The following VPS13D variants were observed in gnomAD, a reference collection of about 807,000 sequenced individuals.
The protein encoded by VPS13D is vacuolar protein sorting 13 homolog D, also known as intermembrane lipid transfer protein VPS13D.
VPS13D carries 187 observed loss-of-function variants against 461.9 expected under a neutral mutation model. That is an observed-to-expected ratio of 0.40 (90% CI 0.36 to 0.46). The LOEUF (loss-of-function observed/expected upper bound fraction) is 0.46, where lower values mean the gene tolerates loss of function less well. Ranked by LOEUF, VPS13D falls within the 20% of genes least tolerant of loss-of-function variation. The pLI, the probability that VPS13D is intolerant of heterozygous loss-of-function variation, is 0.60. For missense variants in VPS13D, 4,711 were observed against 5,364.9 expected, an observed-to-expected ratio of 0.88 and a Z score of 3.81; for synonymous variants, 1,951 against 1,986.3, an observed-to-expected ratio of 0.98 and a Z score of 0.47.
At chr1:12,267,180 T>C (rs1032895875) in intron 14 of VPS13D, among the ~76,000 whole-genome samples, 169 bp downstream of exon 14, 3 of 152,248 alleles carry the variant, frequency 2.0e-5, no homozygotes, top group African/African-American at 7.2e-5. Context: ...GTGACATTAA[T>C]GGCTATGCCT....
intron 30 of VPS13D, 51 bp from the exon 31 acceptor site, chr1:12,318,021 A>G (rs772515246): frequency 1.3e-6 from 2 of 1,551,490 alleles, no homozygotes; most frequent in Non-Finnish European, 1.7e-6. Context: ...GGTTATTGAA[A>G]TAACCATGTT....
chr1:12,424,307 A>T (rs1219098062), intron 65 of VPS13D, among the ~76,000 whole-genome samples: 2 of 152,188 alleles, frequency 1.3e-5, no homozygotes, highest in Admixed American at 6.5e-5. Flanking sequence ...AATTTTTGGC[A>T]TCAGAATTTT....
intron 67 of VPS13D, among the ~76,000 whole-genome samples, chr1:12,494,521 A>ATT (rs1188700983): frequency 6.6e-6 from 1 of 152,134 alleles, no homozygotes; most frequent in East Asian, 1.9e-4. Flanking sequence ...ATGAGATTAA[A>ATT]TTTTTAAGAG....
intron 32 of VPS13D, 101 bp downstream of exon 32, chr1:12,319,731 T>A: frequency 6.5e-7 from 1 of 1,542,854 alleles, no homozygotes; most frequent in Non-Finnish European, 8.8e-7. Flanking sequence ...GGGAAGGAAT[T>A]AATGAAATTG....
chr1:12,253,591 A>G, intron 6 of VPS13D, 131 bp from the exon 7 acceptor site: 1 of 670,360 alleles, frequency 1.5e-6, no homozygotes, highest in Non-Finnish European at 2.6e-6. Context: ...AGCATGTTTT[A>G]ATTGAGTTAT....
intron 30 of VPS13D, among the ~76,000 whole-genome samples, chr1:12,315,909 C>G (rs541340194): frequency 6.6e-6 from 1 of 152,088 alleles, no homozygotes; most frequent in Non-Finnish European, 1.5e-5. Context: ...CTCCGCCTCC[C>G]GGGTTCAAGT....
At chr1:12,466,629 A>G (rs921044967) in intron 67 of VPS13D, among the ~76,000 whole-genome samples, 1 of 152,144 alleles carries the variant, frequency 6.6e-6, no homozygotes, top group African/African-American at 2.4e-5. Context: ...CGCTCCTTCC[A>G]GATGAGTCCG....
At chr1:12,469,463 A>G (rs1645535217) in intron 67 of VPS13D, among the ~76,000 whole-genome samples, 1 of 152,014 alleles carries the variant, frequency 6.6e-6, no homozygotes, top group Non-Finnish European at 1.5e-5. Context: ...TGCAGGTGCC[A>G]CTCTCCTCAC....
chr1:12,399,469 A>G (rs1341270499), intron 60 of VPS13D, among the ~76,000 whole-genome samples: 6 of 152,046 alleles, frequency 3.9e-5, no homozygotes, highest in African/African-American at 7.2e-5. Flanking sequence ...TGCTGGGATT[A>G]CAGGTGTGAG....
At chr1:12,475,696 T>C (rs1046842762) in intron 67 of VPS13D, among the ~76,000 whole-genome samples, 8 of 152,308 alleles carry the variant, frequency 5.3e-5, no homozygotes, top group African/African-American at 1.9e-4. Flanking sequence ...ATTTCACCTT[T>C]GGGAAAACTA....
Position 12,369,493 on chromosome 1 carries a change from C to G in VPS13D, c.10599C>G (p.Gly3533=). ...SKVPVVFTQH[G]VAEPRLRTEV... ...TCCCGGTTGTCTTTACTCAGCATGG[C>G]GTAGCTGAACCCAGGCTCCGGACTG... The change falls in exon 54 of 70, where the codon GGC becomes GGG. Residue 3533 remains glycine (G), a synonymous_variant. Transcript: ENST00000620676. 6.2e-7 allele frequency: 1 copy of G among 1,614,156 alleles called. No individual in the cohort carries two copies. The highest frequency in any genetic ancestry group is 8.5e-7 in the Non-Finnish European group (1 of 1,180,024).
In VPS13D at chr1:12,329,813, TTTGCTTTCA is replaced by T; in HGVS notation, c.8198-11_8198-3del. 6.2e-7 allele frequency: 1 copy of T among 1,613,130 alleles called. No homozygotes were observed. Among genetic ancestry groups the T allele is most frequent in the Non-Finnish European group, 8.5e-7 (1 of 1,179,252 alleles). ...CTCCTGCCCTGCCGCTGCAGTAAGGTTTGCTTTCATTGCAGGTCTGAATTTTCTTCAGCG... is the reference window on the plus strand; with the variant it reads ...CTCCTGCCCTGCCGCTGCAGTAAGGTTTGCAGGTCTGAATTTTCTTCAGCG... On this transcript the variant is annotated splice_polypyrimidine_tract_variant and splice_region_variant and intron_variant, in intron 36 of 69. Coordinates refer to ENST00000620676, the MANE Select transcript of VPS13D (RefSeq NM_015378.4).
At chr1:12,390,770 G>T (rs7526212) in intron 60 of VPS13D, among the ~76,000 whole-genome samples, 37,295 of 152,068 alleles carry the variant, frequency 0.25, 6,870 homozygotes, top group African/African-American at 0.52. Flanking sequence ...TGTAGACAGG[G>T]CAGCCTTGGG....
intron 65 of VPS13D, among the ~76,000 whole-genome samples, chr1:12,449,044 G>A (rs1005741511): frequency 6.6e-6 from 1 of 152,102 alleles, no homozygotes; most frequent in African/African-American, 2.4e-5. Flanking sequence ...ACTGAAAAAG[G>A]AGTGTCTGTT....
chr1:12,256,076 T>A (rs1433276870), intron 7 of VPS13D, among the ~76,000 whole-genome samples: 1 of 152,188 alleles, frequency 6.6e-6, no homozygotes, highest in African/African-American at 2.4e-5. Context: ...GACTCATGCC[T>A]GTAATCTCAG....
chr1:12,434,517 A>G (rs948253817), intron 65 of VPS13D, among the ~76,000 whole-genome samples: 10 of 151,982 alleles, frequency 6.6e-5, no homozygotes, highest in South Asian at 4.2e-4. Flanking sequence ...TTTTAGTTAC[A>G]CCTACTTAAG....
intron 49 of VPS13D, 145 bp downstream of exon 49, chr1:12,356,669 G>T: frequency 9.9e-7 from 1 of 1,006,428 alleles, no homozygotes; most frequent in East Asian, 2.9e-5. Flanking sequence ...TGACCTAATG[G>T]GATTTTTGGG....
intron 5 of VPS13D, among the ~76,000 whole-genome samples, chr1:12,245,642 T>A (rs1054679707): frequency 3.3e-5 from 5 of 152,154 alleles, no homozygotes. Flanking sequence ...GAGGATGACT[T>A]GAGCCGAGGA....
chr1:12,396,662 T>G (rs1407866511), intron 60 of VPS13D, among the ~76,000 whole-genome samples: 1 of 152,150 alleles, frequency 6.6e-6, no homozygotes, highest in Admixed American at 6.5e-5. Context: ...TGGGGCTCCT[T>G]CTCTCCCTTA....
Sources: allele counts gnomAD v4.1 joint callset (sites outside exome capture counted in the v4.1 genomes callset), GRCh38; gene constraint gnomAD v4.1.1; transcripts MANE v1.5; gene names NCBI Gene and HGNC (gene_info 2026-07-23, HGNC 2026-07-21).